Variants in TGFBR3 observed in about 807,000 individuals in gnomAD.
TGFBR3 encodes the protein transforming growth factor beta receptor type 3.
TGFBR3 carries 46 observed loss-of-function variants against 87.9 expected under a neutral mutation model. The ratio of observed to expected loss-of-function variants is 0.52; its 90% CI spans 0.41 to 0.67. The LOEUF (loss-of-function observed/expected upper bound fraction) is 0.67, where lower values mean the gene tolerates loss of function less well. Ranked by LOEUF, TGFBR3 falls within the 30% of genes least tolerant of loss-of-function variation. The pLI, the probability that TGFBR3 is intolerant of heterozygous loss-of-function variation, is 0.00. For synonymous variants in TGFBR3, 381 were observed against 391.6 expected, an observed-to-expected ratio of 0.97 and a Z score of 0.32; for missense variants, 866 against 1,041.9, an observed-to-expected ratio of 0.83 and a Z score of 2.32.
intron 2 of TGFBR3, among the ~76,000 whole-genome samples, chr1:91,813,549 G>C (rs993009553): frequency 1.3e-5 from 2 of 152,126 alleles, no homozygotes; most frequent in Admixed American, 6.5e-5. Flanking sequence ...TTTCTCAATG[G>C]AAGTTGTATT....
chr1:91,811,008 C>T (rs1310867024), intron 2 of TGFBR3, among the ~76,000 whole-genome samples: 2 of 152,158 alleles, frequency 1.3e-5, no homozygotes, highest in Non-Finnish European at 1.5e-5. Flanking sequence ...ACATAGATAT[C>T]ATAAAAAGGA....
intron 2 of TGFBR3, among the ~76,000 whole-genome samples, chr1:91,831,183 C>T (rs1676846795): frequency 6.6e-6 from 1 of 152,054 alleles, no homozygotes; most frequent in African/African-American, 2.4e-5. Context: ...CTGCAAAGTA[C>T]AGCTTCTGTC....
chr1:91,854,314 G>A (rs1188398772), intron 2 of TGFBR3, among the ~76,000 whole-genome samples: 1 of 152,020 alleles, frequency 6.6e-6, no homozygotes, highest in Admixed American at 6.6e-5. Context: ...TGGAGCTGGT[G>A]CCAGTCATGT....
intron 3 of TGFBR3, among the ~76,000 whole-genome samples, chr1:91,796,280 C>T (rs1675377539): frequency 6.6e-6 from 1 of 152,140 alleles, no homozygotes; most frequent in Non-Finnish European, 1.5e-5. Context: ...AAGAGGACGC[C>T]ATTTCTCTCT....
intron 4 of TGFBR3, among the ~76,000 whole-genome samples, chr1:91,739,237 G>A (rs1317595592): frequency 6.6e-6 from 1 of 152,138 alleles, no homozygotes; most frequent in African/African-American, 2.4e-5. Context: ...AAAAGCAGGA[G>A]ATCATTAGTA....
chr1:91,765,850 CA>C lies in TGFBR3; in HGVS notation c.247-7101del, dbSNP rs552498451. 7.8e-3 allele frequency among the ~76,000 whole-genome samples: 1,186 copies of C among 152,238 alleles called. 20 individuals carry two copies. Among genetic ancestry groups the C allele is most frequent in the African/African-American group, 0.027 (1,126 of 41,526 alleles). ...AATGATTAGAAATTAAAATTTTAGA[CA>C]AACTGAAGAAACTCAATATTTGCAA... is the stretch of plus-strand genomic sequence containing the variant. On this transcript the variant is annotated intron_variant, in intron 3 of 16. Coordinates refer to ENST00000212355, the MANE Select transcript of TGFBR3 (RefSeq NM_003243.5).
chr1:91,824,223 TAGTAC>T (rs1332712838), intron 2 of TGFBR3, among the ~76,000 whole-genome samples: 1 of 152,230 alleles, frequency 6.6e-6, no homozygotes. Flanking sequence ...AAAGAGTATG[TAGTAC>T]AGAACACAGA....
chr1:91,875,783 G>C (rs1432911974), intron 1 of TGFBR3, among the ~76,000 whole-genome samples: 7 of 16,230 alleles, frequency 4.3e-4, no homozygotes, highest in Non-Finnish European at 7.0e-4. Flanking sequence ...AGCTACTCGG[G>C]CGGGGGGGGG....
At chr1:91,689,509 G>A (rs1317510859) in intron 16 of TGFBR3, among the ~76,000 whole-genome samples, 2 of 152,062 alleles carry the variant, frequency 1.3e-5, no homozygotes, top group African/African-American at 4.8e-5. Flanking sequence ...GTGAAAGAAC[G>A]AATACATGAG....
At chr1:91,796,308 G>A (rs968036082) in intron 3 of TGFBR3, among the ~76,000 whole-genome samples, 6 of 152,156 alleles carry the variant, frequency 3.9e-5, no homozygotes, top group African/African-American at 1.2e-4. Context: ...ATGACCTTGC[G>A]CAAATAAGTT....
At chr1:91,886,789 C>T (rs982491764), upstream of TGFBR3, among the ~76,000 whole-genome samples, 4 of 152,106 alleles carry the variant, frequency 2.6e-5, no homozygotes, top group African/African-American at 4.8e-5. Context: ...CATTACCCAG[C>T]CGTTCCCCCT....
At chr1:91,888,045 C>T (rs1390288369), upstream of TGFBR3, among the ~76,000 whole-genome samples, 1 of 151,812 alleles carries the variant, frequency 6.6e-6, no homozygotes, top group Non-Finnish European at 1.5e-5. Flanking sequence ...AGGAGGAACC[C>T]AATGGGAGGT....
chr1:91,802,564 T>C (rs1403911452), intron 2 of TGFBR3, among the ~76,000 whole-genome samples: 3 of 152,040 alleles, frequency 2.0e-5, no homozygotes, highest in Non-Finnish European at 4.4e-5. Context: ...TTTCATCATA[T>C]TGGCCAGGCT....
In TGFBR3 at chr1:91,861,123, C is replaced by T. The variant is rs11466557; in HGVS notation, c.61+348G>A. ...CAGGGACAAAAATGTAAATACAGGT[C>T]AGGCACAGTGGCACATACCTGTAAT... On this transcript the variant is annotated intron_variant, in intron 2 of 16. Transcript: ENST00000212355. 2.9e-3 allele frequency among the ~76,000 whole-genome samples: 444 copies of T among 151,936 alleles called. 3 individuals carry two copies. The highest frequency in any genetic ancestry group is 0.01 in the African/African-American group (433 of 41,434).
At chr1:91,850,097 A>G (rs1219247653) in intron 2 of TGFBR3, among the ~76,000 whole-genome samples, 123 of 150,262 alleles carry the variant, frequency 8.2e-4, no homozygotes, top group African/African-American at 2.9e-3. Flanking sequence ...AAAAAAAAAA[A>G]AAAAAAAGAA....
At chr1:91,745,581 C>T (rs749912784) in intron 4 of TGFBR3, among the ~76,000 whole-genome samples, 2 of 152,196 alleles carry the variant, frequency 1.3e-5, no homozygotes, top group African/African-American at 2.4e-5. Flanking sequence ...CAAAAACAAA[C>T]ATACTGGAAC....
At chr1:91,745,009 C>T (rs557031550) in intron 4 of TGFBR3, among the ~76,000 whole-genome samples, 48 of 18,350 alleles carry the variant, frequency 2.6e-3, no homozygotes, top group African/African-American at 8.0e-3. Context: ...GAATCTCAAA[C>T]GCACGCGTAC....
intron 3 of TGFBR3, among the ~76,000 whole-genome samples, chr1:91,786,636 A>T (rs1393238651): frequency 2.0e-5 from 3 of 151,798 alleles, no homozygotes; most frequent in Non-Finnish European, 4.4e-5. Context: ...CTGTAATCCC[A>T]GCTACCTGGG....
At chr1:91,884,186 AGC>A (rs1355062434) in intron 1 of TGFBR3, among the ~76,000 whole-genome samples, 3 of 107,028 alleles carry the variant, frequency 2.8e-5, no homozygotes, top group Non-Finnish European at 4.7e-5. Context: ...TGGGCGTGGT[AGC>A]GCGCGCCTGT....
Sources: allele counts gnomAD v4.1 joint callset (sites outside exome capture counted in the v4.1 genomes callset), GRCh38; gene constraint gnomAD v4.1.1; transcripts MANE v1.5; gene names NCBI Gene and HGNC (gene_info 2026-07-23, HGNC 2026-07-21).